Variants in DIP2B observed in about 807,000 individuals in gnomAD.
DIP2B encodes the protein disco-interacting protein 2 homolog B.
Under a neutral mutation model 198.0 loss-of-function variants are expected in DIP2B, and 76 were observed. The ratio of observed to expected loss-of-function variants is 0.38; its 90% confidence interval spans 0.32 to 0.46. The LOEUF is 0.46. DIP2B is among the 20% of genes least tolerant of loss of function. DIP2B has a pLI of 0.99. For missense variants in DIP2B, 1,559 were observed against 1,978.4 expected, an observed-to-expected ratio of 0.79 and a Z score of 4.02; for synonymous variants, 701 against 739.1, an observed-to-expected ratio of 0.95 and a Z score of 0.84.
intron 1 of DIP2B, among the ~76,000 whole-genome samples, chr12:50,553,042 G>A (rs1280695222): frequency 6.6e-6 from 1 of 152,010 alleles, no homozygotes; most frequent in Non-Finnish European, 1.5e-5. Context: ...TGGCATATTG[G>A]CCAGGCTGGT....
In DIP2B at chr12:50,543,618, C is replaced by T. The variant is rs547793830; in HGVS notation, c.100+38378C>T. 2.6e-5 allele frequency among the ~76,000 whole-genome samples: 4 copies of T among 151,376 alleles called. No homozygotes were observed. In the East Asian group the frequency reaches 8.0e-4, roughly 30 times the overall value. On this transcript the variant is annotated intron_variant, in intron 1 of 37. Transcript: ENST00000301180. ...AATGTTTCAAAAATAGCTTTTCCCT[C>T]ATTATAAAAATAGCACATGTTGGGC...
chr12:50,709,903 G>T (rs963632679), intron 22 of DIP2B, among the ~76,000 whole-genome samples: 5 of 152,152 alleles, frequency 3.3e-5, no homozygotes, highest in Non-Finnish European at 5.9e-5. Flanking sequence ...GCTTGAGCCA[G>T]TGCTGTAGTG....
intron 9 of DIP2B, among the ~76,000 whole-genome samples, chr12:50,682,650 AAAAG>A (rs1359375761): frequency 6.6e-6 from 1 of 151,372 alleles, no homozygotes; most frequent in Non-Finnish European, 1.5e-5. Flanking sequence ...AAAAAAAAAA[AAAAG>A]AGTAGGAAAA....
rs1416959278 is a variant in DIP2B, at chr12:50,732,532, T to C, written c.3977T>C (p.Leu1326Ser). Residue 1326 changes from leucine to serine, a missense_variant, in exon 32 of 38, where the codon TTA becomes TCA. Leu to Ser is a moderately radical substitution (Grantham distance 145). Coordinates refer to ENST00000301180, the MANE Select transcript of DIP2B (RefSeq NM_173602.3). ...FGSRVNVAICLQGTSGPDPTT... is the reference protein window; with the variant it reads ...FGSRVNVAICSQGTSGPDPTT... ...TCAAGAGTCAATGTAGCAATATGTT[T>C]ACAGGTGACCCTCATGAAATCTTGT... 1 of 1,614,164 alleles carries C rather than the reference T, an allele frequency of 6.2e-7. No homozygotes were observed.
Position 50,745,087 on chromosome 12 carries a change from A to G in DIP2B, c.*248A>G, listed in dbSNP as rs1940324505. 2 of 490,492 alleles carry G rather than the reference A, an allele frequency of 4.1e-6. No individual in the cohort carries two copies. Among genetic ancestry groups the G allele is most frequent in the South Asian group, 2.6e-5 (1 of 39,046 alleles). The allele number at this position is 490,492 out of a possible 1,614,324, so 30.4% of individuals were successfully genotyped here. A position where few individuals can be genotyped will look rare whatever the true frequency, so the allele number is the denominator to read the frequency against. ...GCGTGAGCAGCACATTACTAAAGCA[A>G]TTACATGCATGTTGCATTTTTTTCA... is the stretch of plus-strand genomic sequence containing the variant. On this transcript the variant is annotated 3_prime_UTR_variant, in exon 38 of 38. Transcript: ENST00000301180.
Position 50,734,111 on chromosome 12 carries a change from A to G in DIP2B, c.3982-24A>G, listed in dbSNP as rs1349676194. On this transcript the variant is annotated intron_variant, in intron 32 of 37. Transcript: ENST00000301180. ...ATACAGTTTATCGAAATTCTAAACAACGCATTGATTTGTCTTTCTTTAGGG... is the reference window on the plus strand; with the variant it reads ...ATACAGTTTATCGAAATTCTAAACAGCGCATTGATTTGTCTTTCTTTAGGG... 1.9e-6 allele frequency: 3 copies of G among 1,613,106 alleles called. No homozygotes were observed. In the African/African-American group the frequency reaches 4.0e-5, roughly 22 times the overall value.
chr12:50,591,107 C>T lies in DIP2B; in HGVS notation c.101-34869C>T, dbSNP rs976864175. 2.0e-5 allele frequency among the ~76,000 whole-genome samples: 3 copies of T among 152,188 alleles called. No homozygotes were observed. The East Asian group carries it at 5.8e-4, about 29-fold the overall frequency. On this transcript the variant is annotated intron_variant, in intron 1 of 37. Coordinates refer to ENST00000301180, the MANE Select transcript of DIP2B (RefSeq NM_173602.3). ...AGACACCAGATGCTTTGCTGTTGGA[C>T]TTCTCAGCCTCCATAACTGTGAATA...
chr12:50,570,881 TTC>T (rs1226205193), intron 1 of DIP2B, among the ~76,000 whole-genome samples: 19 of 152,342 alleles, frequency 1.2e-4, no homozygotes, highest in African/African-American at 4.1e-4. Context: ...TTTGGTTTTA[TTC>T]TCTCAGAAAT....
intron 1 of DIP2B, among the ~76,000 whole-genome samples, chr12:50,542,718 C>A (rs1650269450): frequency 6.6e-6 from 1 of 152,216 alleles, no homozygotes; most frequent in African/African-American, 2.4e-5. Context: ...GGTGCTGGAA[C>A]AATTGCAAAG....
intron 1 of DIP2B, among the ~76,000 whole-genome samples, chr12:50,592,826 A>G (rs1459718373): frequency 6.6e-6 from 1 of 152,112 alleles, no homozygotes; most frequent in African/African-American, 2.4e-5. Context: ...ATGCTTTTTT[A>G]TAAGATCGTG....
intron 3 of DIP2B, among the ~76,000 whole-genome samples, chr12:50,659,615 A>G (rs1484276521): frequency 6.6e-6 from 1 of 152,120 alleles, no homozygotes; most frequent in African/African-American, 2.4e-5. Flanking sequence ...CCTATTAGAC[A>G]TTCAAGTAGA....
intron 15 of DIP2B, among the ~76,000 whole-genome samples, chr12:50,695,571 A>G (rs1463906410): frequency 1.3e-5 from 2 of 152,128 alleles, no homozygotes; most frequent in African/African-American, 4.8e-5. Flanking sequence ...CGAGCCTTGA[A>G]TTAGATTTGA....
chr12:50,544,777 C>A (rs1280702566), intron 1 of DIP2B, among the ~76,000 whole-genome samples: 1 of 151,842 alleles, frequency 6.6e-6, no homozygotes, highest in Non-Finnish European at 1.5e-5. Flanking sequence ...GCCACCACGC[C>A]CGGCTAATTT....
At chr12:50,630,833 G>A (rs998616262) in intron 2 of DIP2B, among the ~76,000 whole-genome samples, 1 of 151,588 alleles carries the variant, frequency 6.6e-6, no homozygotes. Flanking sequence ...CACCATGCCC[G>A]GCTAATTTTG....
intron 4 of DIP2B, among the ~76,000 whole-genome samples, chr12:50,664,059 A>G (rs1273155620): frequency 6.6e-6 from 1 of 152,066 alleles, no homozygotes; most frequent in Non-Finnish European, 1.5e-5. Flanking sequence ...GCTGTCTTGT[A>G]TGCACCTGGT....
At chr12:50,742,413 A>AAAAAAAAC (rs1940265229) in intron 37 of DIP2B, among the ~76,000 whole-genome samples, 2 of 137,712 alleles carry the variant, frequency 1.5e-5, no homozygotes, top group East Asian at 3.9e-4. Flanking sequence ...AAAAAAAAAA[A>AAAAAAAAC]AAAAAAAAAC....
At chr12:50,700,794 G>A (rs1413835357) in intron 19 of DIP2B, among the ~76,000 whole-genome samples, 1 of 152,196 alleles carries the variant, frequency 6.6e-6, no homozygotes, top group African/African-American at 2.4e-5. Context: ...TTTACTGCCA[G>A]TCTCTTGGTT....
At chr12:50,508,712 C>CTTT (rs35206160) in intron 1 of DIP2B, among the ~76,000 whole-genome samples, 4 of 146,870 alleles carry the variant, frequency 2.7e-5, no homozygotes, top group African/African-American at 1.0e-4. Flanking sequence ...GAAATGCTAC[C>CTTT]TTTTTTTTTT....
At chr12:50,657,637 A>G (rs1430734992) in intron 3 of DIP2B, among the ~76,000 whole-genome samples, 2 of 152,164 alleles carry the variant, frequency 1.3e-5, no homozygotes, top group African/African-American at 2.4e-5. Context: ...ACAAAAAAAA[A>G]AAGAAGAAGA....
Sources: allele counts gnomAD v4.1 joint callset (sites outside exome capture counted in the v4.1 genomes callset), GRCh38; gene constraint gnomAD v4.1.1; transcripts MANE v1.5; gene names NCBI Gene and HGNC (gene_info 2026-07-23, HGNC 2026-07-21).